TICRR: variants seen among roughly 807,000 people sequenced by gnomAD.
TICRR encodes TOPBP1 interacting checkpoint and replication regulator, also known as treslin.
A neutral mutation model predicts 178.1 loss-of-function variants in TICRR; 132 were observed. That is an observed-to-expected ratio of 0.74 (90% CI 0.64 to 0.86). The LOEUF is 0.86. Ranked by LOEUF, TICRR falls within the 40% of genes least tolerant of loss-of-function variation. The pLI is 0.00. For synonymous variants in TICRR, 991 were observed against 900.7 expected, an observed-to-expected ratio of 1.10 and a Z score of -1.79; for missense variants, 2,587 against 2,334.3, an observed-to-expected ratio of 1.11 and a Z score of -2.23.
chr15:89,615,093 T>A (rs1454139577), intron 15 of TICRR, among the ~76,000 whole-genome samples: 1 of 152,174 alleles, frequency 6.6e-6, no homozygotes, highest in Non-Finnish European at 1.5e-5. Context: ...TCCCCAATTT[T>A]CCCAATTAAA....
chr15:89,624,369 C>T lies in TICRR; in HGVS notation c.4059C>T (p.Leu1353=), dbSNP rs1194255933. Residue 1353 remains leucine, a synonymous_variant, in exon 20 of 22, where the codon CTC becomes CTT. Coordinates refer to ENST00000268138, the MANE Select transcript of TICRR (RefSeq NM_152259.4). ...TGTCACCCAGCGTAGCTGCATCTCT[C>T]TCCTGCCCTGTTCCCTCAACTCCCC... ...PQMSPSVAAS[L]SCPVPSTPPE... is the part of the protein sequence containing the mutation. The T allele has an allele frequency of 1.5e-5, 25 of 1,614,026 alleles. No individual in the cohort carries two copies. Among genetic ancestry groups the T allele is most frequent in the Non-Finnish European group, 2.1e-5 (25 of 1,180,008 alleles).
In TICRR at chr15:89,608,904, G is replaced by A; in HGVS notation, c.2824G>A (p.Val942Met). Reference sequence around the variant, plus strand: ...GCCTAGAAGCCATTCTGTGTCAGCTGTGGATGGTCTAGAGGATAAACTTGA... The same window carrying A: ...GCCTAGAAGCCATTCTGTGTCAGCTATGGATGGTCTAGAGGATAAACTTGA... ...GLPRSHSVSA[V>M]DGLEDKLDNF... The change falls in exon 15 of 22, where the codon GTG becomes ATG. Residue 942 changes from valine to methionine, a missense_variant. Val to Met is a conservative substitution (Grantham distance 21). Coordinates refer to ENST00000268138, the MANE Select transcript of TICRR (RefSeq NM_152259.4). The A allele has an allele frequency of 1.2e-6, 2 of 1,611,288 alleles. No homozygotes were observed. Among genetic ancestry groups the A allele is most frequent in the South Asian group, 1.1e-5 (1 of 90,528 alleles).
At chr15:89,626,116 C>G in intron 21 of TICRR, 55 bp downstream of exon 21, 1 of 1,588,824 alleles carries the variant, frequency 6.3e-7, no homozygotes, top group East Asian at 2.3e-5. Context: ...TCTGAATTCA[C>G]CAGGGTTGCC....
intron 18 of TICRR, among the ~76,000 whole-genome samples, chr15:89,620,939 GTCTCGA>G (rs931069984): frequency 3.3e-5 from 5 of 151,574 alleles, no homozygotes; most frequent in Non-Finnish European, 7.4e-5. Flanking sequence ...AGCCAGGATA[GTCTCGA>G]TCTCCGACTT....
At chr15:89,618,332 C>T in intron 17 of TICRR, 122 bp downstream of exon 17, 1 of 838,182 alleles carries the variant, frequency 1.2e-6, no homozygotes, top group Non-Finnish European at 2.1e-6. Flanking sequence ...GCTCTGAGTC[C>T]ACAATGCAGC....
chr15:89,610,018 C>T (rs1015975361), intron 15 of TICRR, among the ~76,000 whole-genome samples: 2 of 152,136 alleles, frequency 1.3e-5, no homozygotes, highest in Non-Finnish European at 2.9e-5. Context: ...TTTCGGAGCG[C>T]ATTAATTTCC....
At position 89,599,311 on chromosome 15, in the gene TICRR, A is replaced by AT. The variant is rs760710310; in HGVS notation, c.1901-6dup. Reference sequence around the variant, plus strand: ...AGATATGATTAATCCATTTTATTTTATTTTTTTCTCAGATTTTAAAACTGA... The same window carrying AT: ...AGATATGATTAATCCATTTTATTTTATTTTTTTTCTCAGATTTTAAAACTGA... On this transcript the variant is annotated splice_polypyrimidine_tract_variant and intron_variant, in intron 7 of 21. Transcript: ENST00000268138. The AT allele has an allele frequency of 3.1e-6, 5 of 1,588,774 alleles. No homozygotes were observed. The highest frequency in any genetic ancestry group is 2.3e-5 in the South Asian group (2 of 87,756).
intron 19 of TICRR, among the ~76,000 whole-genome samples, chr15:89,621,757 G>A (rs141852352): frequency 3.8e-4 from 58 of 152,136 alleles, no homozygotes; most frequent in African/African-American, 1.4e-3. Context: ...CGGTGGGGGC[G>A]GTGGAGGAGG....
chr15:89,588,526 T>A (rs1314776361), intron 4 of TICRR, among the ~76,000 whole-genome samples: 1 of 151,968 alleles, frequency 6.6e-6, no homozygotes, highest in Non-Finnish European at 1.5e-5. Flanking sequence ...GGCGATCAGA[T>A]CAATGGGTTA....
rs1375306934 is a variant in TICRR at position 89,625,717 on chromosome 15, A to G, written c.5407A>G (p.Lys1803Glu). 2 of 1,613,416 alleles carry G rather than the reference A, an allele frequency of 1.2e-6. No individual in the cohort carries two copies. Residue 1803 changes from lysine (K) to glutamate (E), a missense_variant, in exon 20 of 22, where the codon AAA becomes GAA. Physicochemically the swap from Lys to Glu is moderately conservative, Grantham distance 56. Transcript: ENST00000268138. ...AGAAGATTCAGAAGTTAGTAAGAGT[A>G]AAGAGGGGTCTCCAAGTTGGAGTGC... ...LREDSEVSKS[K>E]EGSPSWSAWQ...
At chr15:89,603,949 C>G (rs538269837) in intron 13 of TICRR, among the ~76,000 whole-genome samples, 37 of 151,936 alleles carry the variant, frequency 2.4e-4, no homozygotes, top group Non-Finnish European at 4.6e-4. Flanking sequence ...GAAACTGAAA[C>G]CATGGAAAGT....
intron 14 of TICRR, among the ~76,000 whole-genome samples, 174 bp downstream of exon 14, chr15:89,606,999 G>T: frequency 6.6e-6 from 1 of 151,942 alleles, no homozygotes; most frequent in Middle Eastern, 3.4e-3. Flanking sequence ...TCAAAATATT[G>T]TATTTTACAA....
In TICRR at chr15:89,582,792, A is replaced by C. The variant is rs747010345; in HGVS notation, c.761A>C (p.Gln254Pro). Residue 254 changes from glutamine (Q) to proline (P), a missense_variant, in exon 2 of 22, where the codon CAA becomes CCA. Physicochemically the swap from Gln to Pro is moderately conservative, Grantham distance 76 (BLOSUM62 -1). Coordinates refer to ENST00000268138, the MANE Select transcript of TICRR (RefSeq NM_152259.4). Reference protein sequence around the residue: ...PSESFSWDFAQAGEMLLRSGI... With the variant: ...PSESFSWDFAPAGEMLLRSGI... Reference sequence around the variant, plus strand: ...GAATCTTTCAGCTGGGATTTTGCTCAAGCTGGGGAAATGCTGCTCAGGAGT... The same window carrying C: ...GAATCTTTCAGCTGGGATTTTGCTCCAGCTGGGGAAATGCTGCTCAGGAGT... 1 of 1,614,144 alleles carries C rather than the reference A, an allele frequency of 6.2e-7. No individual in the cohort carries two copies. Among genetic ancestry groups the C allele is most frequent in the Non-Finnish European group, 8.5e-7 (1 of 1,180,032 alleles).
Position 89,602,781 on chromosome 15 carries a change from TTC to T in TICRR, c.2568-13_2568-12del. 1 of 1,378,992 alleles carries T rather than the reference TTC, an allele frequency of 7.3e-7. No homozygotes were observed. Among genetic ancestry groups the T allele is most frequent in the Non-Finnish European group, 9.6e-7 (1 of 1,038,792 alleles). 85.4% of individuals were successfully genotyped at this position (1,378,992 alleles called of 1,614,324 possible). On this transcript the variant is annotated splice_polypyrimidine_tract_variant and intron_variant, in intron 12 of 21. Transcript: ENST00000268138. ...CCTCTATCTAGTATGTATTAACTAT[TTC>T]TATTTTTAAAAGGAAAAATGCATTA...
intron 1 of TICRR, among the ~76,000 whole-genome samples, chr15:89,581,727 G>A (rs1962729524): frequency 6.6e-6 from 1 of 152,218 alleles, no homozygotes; most frequent in African/African-American, 2.4e-5. Flanking sequence ...TTATGCTGAA[G>A]AGTTACTTTA....
intron 4 of TICRR, 158 bp from the exon 5 acceptor site, chr15:89,591,889 T>A: frequency 1.9e-6 from 1 of 526,886 alleles, no homozygotes; most frequent in Non-Finnish European, 3.3e-6. Context: ...CACATAGGCC[T>A]GTAGCAGTTT....
chr15:89,613,362 T>TC (rs1963282726), intron 15 of TICRR, among the ~76,000 whole-genome samples: 1 of 152,240 alleles, frequency 6.6e-6, no homozygotes, highest in Non-Finnish European at 1.5e-5. Context: ...CTTCTTTTTT[T>TC]CACTTTTGAT....
chr15:89,619,636 G>T (rs2141979755), intron 17 of TICRR, 72 bp from the exon 18 acceptor site: 1 of 1,537,478 alleles, frequency 6.5e-7, no homozygotes, highest in East Asian at 2.3e-5. Context: ...ATTTTGCCCG[G>T]TTTTGGACAA....
intron 16 of TICRR, among the ~76,000 whole-genome samples, chr15:89,617,390 T>G (rs971981936): frequency 2.6e-5 from 4 of 152,230 alleles, no homozygotes; most frequent in African/African-American, 2.4e-5. Flanking sequence ...AAACAGAAAC[T>G]TGAATGTTGC....
Sources: gnomAD v4.1 joint callset for allele counts (sites outside exome capture counted in the v4.1 genomes callset) on GRCh38, gnomAD v4.1.1 for gene constraint, MANE v1.5 for transcripts, NCBI Gene and HGNC (gene_info 2026-07-23, HGNC 2026-07-21) for gene names.